NUP107: variants seen among roughly 807,000 people sequenced by gnomAD.
NUP107 encodes nuclear pore complex protein Nup107.
In NUP107, 101 loss-of-function variants were observed where a neutral mutation model predicts 141.0. That is an observed-to-expected ratio of 0.72 (90% CI 0.61 to 0.84). NUP107 has a LOEUF of 0.84. NUP107 is among the 40% of genes least tolerant of loss of function. The probability of loss-of-function intolerance (pLI) is 0.00; values close to 1 mark genes in which losing one functional copy is unlikely to be tolerated. For synonymous variants in NUP107, 319 were observed against 363.9 expected (o/e 0.88, Z 1.41); for missense variants, 941 against 1,102.7 (o/e 0.85, Z 2.08).
intron 5 of NUP107, among the ~76,000 whole-genome samples, chr12:68,695,189 G>A (rs60074080): frequency 0.065 from 9,933 of 152,240 alleles, 605 homozygotes; most frequent in African/African-American, 0.16. Flanking sequence ...AAATAGTACA[G>A]CTGCTATGGA....
intron 26 of NUP107, among the ~76,000 whole-genome samples, chr12:68,741,281 A>G (rs1041904965): frequency 2.0e-5 from 3 of 152,022 alleles, no homozygotes; most frequent in Non-Finnish European, 4.4e-5. Flanking sequence ...GTTCTGACTC[A>G]TTAATTGTAT....
intron 23 of NUP107, 150 bp downstream of exon 23, chr12:68,732,889 C>A: frequency 2.2e-6 from 1 of 453,708 alleles, no homozygotes. Flanking sequence ...CACTATGTTG[C>A]CTAGGCGGGT....
chr12:68,729,692 C>T (rs2136042233), intron 20 of NUP107, among the ~76,000 whole-genome samples: 1 of 151,996 alleles, frequency 6.6e-6, no homozygotes, highest in East Asian at 1.9e-4. Flanking sequence ...ATCCAGCAGC[C>T]TCGGCCTTCC....
At chr12:68,700,597 A>C (rs537893113) in intron 6 of NUP107, 129 bp from the exon 7 acceptor site, 5 of 535,770 alleles carry the variant, frequency 9.3e-6, no homozygotes, top group Non-Finnish European at 1.5e-5. Context: ...AAAAGACAAA[A>C]TAGAGAAGGC....
At chr12:68,735,429 A>T (rs1014525994) in intron 26 of NUP107, 85 bp downstream of exon 26, 1 of 932,038 alleles carries the variant, frequency 1.1e-6, no homozygotes, top group South Asian at 1.4e-5. Flanking sequence ...AAATGGGAGC[A>T]TCTACAGATT....
intron 8 of NUP107, chr12:68,706,829 G>A (rs1876606355): frequency 1.3e-6 from 1 of 758,764 alleles, no homozygotes; most frequent in South Asian, 1.3e-5. Context: ...GAGCCAGCTG[G>A]AGTCTGGGAT....
Position 68,734,761 on chromosome 12 carries a change from A to G in NUP107, c.2316A>G (p.Gln772=), listed in dbSNP as rs758019333. The G allele has an allele frequency of 6.8e-6, 11 of 1,613,614 alleles. No homozygotes were observed. Among genetic ancestry groups the G allele is most frequent in the African/African-American group, 2.7e-5 (2 of 74,916 alleles). Residue 772 remains glutamine (Q), a synonymous_variant, in exon 25 of 28, where the codon CAA becomes CAG. Transcript: ENST00000229179. The part of the protein sequence containing the change: ...EWFKHMNSVP[Q]KPALIPQPTF... ...TTAAGCATATGAATTCAGTTCCACA[A>G]AAACCTGCTTTGATACCTCAACCAA...
chr12:68,735,892 G>A (rs553178631), intron 26 of NUP107, among the ~76,000 whole-genome samples: 37 of 152,342 alleles, frequency 2.4e-4, no homozygotes, highest in African/African-American at 8.7e-4. Flanking sequence ...GAAAGGCACA[G>A]GTTAAGTATT....
At position 68,733,517 on chromosome 12, in the gene NUP107, A is replaced by G; in HGVS notation, c.2167A>G (p.Ile723Val). 6.2e-7 allele frequency: 1 copy of G among 1,613,370 alleles called. No individual in the cohort carries two copies. The highest frequency in any genetic ancestry group is 8.5e-7 in the Non-Finnish European group (1 of 1,179,604). Residue 723 changes from isoleucine to valine, a missense_variant, in exon 24 of 28, where the codon ATC becomes GTC. By Grantham distance (29) the Ile-to-Val change is conservative. Transcript: ENST00000229179. Reference sequence around the variant, plus strand: ...AATTCCTCAGGATTCTATAGCAGAAATCTATAATCAGTGCGAGGAACAAGG... The same window carrying G: ...AATTCCTCAGGATTCTATAGCAGAAGTCTATAATCAGTGCGAGGAACAAGG... Reference protein sequence around the residue: ...VKIPQDSIAEIYNQCEEQGME... With the variant: ...VKIPQDSIAEVYNQCEEQGME...
rs777882776 is a variant in NUP107 at position 68,741,894 on chromosome 12, C to T, written c.2584C>T (p.His862Tyr). Residue 862 changes from histidine to tyrosine, a missense_variant, in exon 27 of 28, where the codon CAT becomes TAT. Physicochemically the swap from His to Tyr is moderately conservative, Grantham distance 83. Transcript: ENST00000229179. ...TCTGCCAATGTTGTGTTTTCTGCTT[C>T]ATACGATATTGCACAGTACTGGTCA... is the stretch of plus-strand genomic sequence containing the variant. ...LCLPMLCFLL[H>Y]TILHSTGQYQ... The T allele has an allele frequency of 1.9e-6, 3 of 1,613,864 alleles. No individual in the cohort carries two copies. Among genetic ancestry groups the T allele is most frequent in the African/African-American group, 1.3e-5 (1 of 74,920 alleles).
At chr12:68,723,213 A>AG (rs1366523782) in intron 17 of NUP107, among the ~76,000 whole-genome samples, 2 of 152,102 alleles carry the variant, frequency 1.3e-5, no homozygotes, top group East Asian at 3.9e-4. Context: ...TCTCTAAAAA[A>AG]AAAAATTAGC....
intron 8 of NUP107, among the ~76,000 whole-genome samples, chr12:68,703,493 C>G (rs1166797626): frequency 1.3e-5 from 2 of 151,924 alleles, no homozygotes; most frequent in African/African-American, 4.8e-5. Flanking sequence ...CTCTGTCACC[C>G]AGGTTGGAGT....
chr12:68,735,235 A>C lies in NUP107; in HGVS notation c.2393A>C (p.Asp798Ala). The C allele has an allele frequency of 6.2e-7, 1 of 1,607,302 alleles. No homozygotes were observed. The highest frequency in any genetic ancestry group is 1.1e-5 in the South Asian group (1 of 90,934). The stretch of plus-strand genomic sequence containing the variant: ...TGCCTTGTGTTTGTTTTGCAGATGG[A>C]TTTTGGTATTTGGAAAGGGCATTTG... ...HEHKEKKYEM[D>A]FGIWKGHLDA... is the part of the protein sequence containing the mutation. Residue 798 changes from aspartate to alanine, a missense_variant, in exon 26 of 28, where the codon GAT (aspartate) becomes GCT (alanine). Asp to Ala is a moderately radical substitution (Grantham distance 126, BLOSUM62 -2). Coordinates refer to ENST00000229179, the MANE Select transcript of NUP107 (RefSeq NM_020401.4).
At chr12:68,692,277 T>C (rs966189737) in intron 5 of NUP107, 165 bp downstream of exon 5, 2 of 704,062 alleles carry the variant, frequency 2.8e-6, no homozygotes, top group East Asian at 6.1e-5. Context: ...GTGTGTTTTT[T>C]GAGACAAGAG....
rs1340830762 is a variant in NUP107 at position 68,700,985 on chromosome 12, C to T, written c.680+132C>T. 7.3e-6 allele frequency: 6 copies of T among 819,760 alleles called. No individual in the cohort carries two copies. The East Asian group carries it at 1.5e-4, about 20-fold the overall frequency. 50.8% of individuals were successfully genotyped at this position (819,760 alleles called of 1,614,324 possible). A position where few individuals can be genotyped will look rare whatever the true frequency, so the allele number is the denominator to read the frequency against. The stretch of plus-strand genomic sequence containing the variant: ...TTTTTGATGCTTATCATTTCGAATA[C>T]CTTAGTTGTCAAGAGTGAGTCAAGA... On this transcript the variant is annotated intron_variant, in intron 7 of 27. Transcript: ENST00000229179.
rs187807620 is a variant in NUP107 at position 68,707,155 on chromosome 12, G to A, written c.730-2083G>A. 228 of 535,944 alleles carry A rather than the reference G, an allele frequency of 4.3e-4. 2 individuals are homozygous for A. The East Asian group carries it at 7.4e-3, about 17-fold the overall frequency. 33.2% of individuals were successfully genotyped at this position (535,944 alleles called of 1,614,324 possible). A position where few individuals can be genotyped will look rare whatever the true frequency, so the allele number is the denominator to read the frequency against. ...GTCCAGAGGAGCACAGGGAACAGGA[G>A]ACCCACCTGAGGCTCAGCCCTAGCC... On this transcript the variant is annotated intron_variant, in intron 8 of 27. Transcript: ENST00000229179.
At chr12:68,723,714 C>T (rs1223044893) in intron 17 of NUP107, among the ~76,000 whole-genome samples, 3 of 152,180 alleles carry the variant, frequency 2.0e-5, no homozygotes, top group Non-Finnish European at 4.4e-5. Context: ...AAATGTCACA[C>T]TTTTTATGTT....
At chr12:68,721,770 G>T in intron 15 of NUP107, 71 bp from the exon 16 acceptor site, 1 of 1,394,462 alleles carries the variant, frequency 7.2e-7, no homozygotes, top group Non-Finnish European at 9.9e-7. Context: ...CTGTATCATT[G>T]GATGTAATTG....
chr12:68,692,626 A>G (rs1875861565), intron 5 of NUP107, among the ~76,000 whole-genome samples: 1 of 151,996 alleles, frequency 6.6e-6, no homozygotes, highest in Admixed American at 6.6e-5. Context: ...CCCAGGCTAA[A>G]TGCAGAAATG....
Sources: allele counts gnomAD v4.1 joint callset (sites outside exome capture counted in the v4.1 genomes callset), GRCh38; gene constraint gnomAD v4.1.1; transcripts MANE v1.5; gene names NCBI Gene and HGNC (gene_info 2026-07-23, HGNC 2026-07-21).